Variants in STAU1 observed in about 807,000 individuals in gnomAD.
STAU1 encodes double-stranded RNA-binding protein Staufen homolog 1.
STAU1 carries 13 observed loss-of-function variants against 62.9 expected under a neutral mutation model. That is an observed-to-expected ratio of 0.21 (90% CI 0.13 to 0.33). STAU1 has a LOEUF of 0.33. STAU1 is among the 10% of genes least tolerant of loss of function. The pLI is 1.00. For synonymous variants in STAU1, 269 were observed against 265.1 expected (o/e 1.01, Z -0.14); for missense variants, 571 against 712.1 (o/e 0.80, Z 2.25).
At chr20:49,188,951 G>A (rs769915552), upstream of STAU1, among the ~76,000 whole-genome samples, 2 of 151,976 alleles carry the variant, frequency 1.3e-5, no homozygotes, top group African/African-American at 2.4e-5. Context: ...CTCTAATCCC[G>A]GCACTTTGGG....
At chr20:49,116,058 C>A (rs1415908118) in intron 12 of STAU1, among the ~76,000 whole-genome samples, 191 bp from the exon 13 acceptor site, 3 of 152,204 alleles carry the variant, frequency 2.0e-5, no homozygotes, top group Non-Finnish European at 4.4e-5. Context: ...AGTTACCTCA[C>A]TGAATCATAA....
intron 9 of STAU1, 121 bp downstream of exon 9, chr20:49,119,861 C>T: frequency 4.9e-6 from 6 of 1,222,018 alleles, no homozygotes; most frequent in Non-Finnish European, 6.7e-6. Context: ...CACTCCTCAG[C>T]AGGACTCCTT....
chr20:49,153,791 G>T, intron 4 of STAU1, 142 bp downstream of exon 4: 1 of 640,296 alleles, frequency 1.6e-6, no homozygotes, highest in Non-Finnish European at 2.3e-6. Flanking sequence ...AAAGGCACAA[G>T]AGTAATTAAG....
At chr20:49,126,587 AC>A (rs376700679) in intron 6 of STAU1, among the ~76,000 whole-genome samples, 2 of 62,404 alleles carry the variant, frequency 3.2e-5, no homozygotes, top group African/African-American at 7.5e-5. Context: ...AAAAAAAAAA[AC>A]AAAAAAAAAA....
chr20:49,119,340 G>A (rs1342863638), intron 9 of STAU1, among the ~76,000 whole-genome samples: 2 of 152,000 alleles, frequency 1.3e-5, no homozygotes, highest in East Asian at 1.9e-4. Context: ...ACCATACCTG[G>A]CTGATATTTT....
intron 3 of STAU1, among the ~76,000 whole-genome samples, chr20:49,155,664 T>C (rs1014480439): frequency 2.0e-5 from 3 of 152,202 alleles, no homozygotes; most frequent in Non-Finnish European, 2.9e-5. Flanking sequence ...TAAGAATATC[T>C]TTGGGGTTTG....
intron 10 of STAU1, 28 bp from the exon 11 acceptor site, chr20:49,118,124 A>C: frequency 1.2e-6 from 2 of 1,601,664 alleles, no homozygotes; most frequent in South Asian, 2.2e-5. Flanking sequence ...GGTAAACACG[A>C]ATCCACATCC....
At chr20:49,183,777 T>C (rs1048994065) in intron 1 of STAU1, among the ~76,000 whole-genome samples, 5 of 152,174 alleles carry the variant, frequency 3.3e-5, no homozygotes, top group African/African-American at 9.7e-5. Context: ...GGTAGGTTCT[T>C]GGAAACTGAG....
At chr20:49,168,087 T>G (rs866384552) in intron 2 of STAU1, among the ~76,000 whole-genome samples, 1 of 53,828 alleles carries the variant, frequency 1.9e-5, no homozygotes, top group Non-Finnish European at 4.3e-5. Flanking sequence ...AATTTTTAAT[T>G]TTTTTTTTTT....
At chr20:49,151,802 T>C in intron 4 of STAU1, 55 bp from the exon 5 acceptor site, 4 of 1,504,460 alleles carry the variant, frequency 2.7e-6, no homozygotes, top group Non-Finnish European at 3.6e-6. Context: ...AAGTCACCTA[T>C]ACACTCTCTG....
intron 1 of STAU1, among the ~76,000 whole-genome samples, chr20:49,180,493 T>G (rs550571999): frequency 6.6e-6 from 1 of 152,224 alleles, no homozygotes; most frequent in South Asian, 2.1e-4. Flanking sequence ...CCAGCTAATT[T>G]TTGTATTTTT....
the STAU1 span, chr20:49,210,371 A>C: frequency 4.4e-6 from 2 of 452,960 alleles, no homozygotes; most frequent in Non-Finnish European, 8.9e-6. Context: ...ATTGTCCTTC[A>C]GGAATGGAGT....
intron 6 of STAU1, among the ~76,000 whole-genome samples, chr20:49,133,061 T>TG (rs1367969442): frequency 6.6e-6 from 1 of 152,184 alleles, no homozygotes; most frequent in Non-Finnish European, 1.5e-5. Context: ...ACCAACTACA[T>TG]GCAAGCTGTG....
In STAU1 at chr20:49,114,644, T is replaced by C. The variant is rs1169067674; in HGVS notation, c.*234A>G. On this transcript the variant is annotated 3_prime_UTR_variant, in exon 14 of 14. Transcript: ENST00000371856. ...CCTTCTTCCCCACAGGCAGCTGCTA[T>C]TGCGTAGGGACCGCCAGGTCACCGA... The C allele has an allele frequency of 2.5e-5, 12 of 486,956 alleles. No individual in the cohort carries two copies. Among genetic ancestry groups the C allele is most frequent in the Non-Finnish European group, 4.1e-5 (11 of 268,186 alleles). The allele number at this position is 486,956 out of a possible 1,614,324, so 30.2% of individuals were successfully genotyped here.
chr20:49,187,454 T>C (rs1277622613), intron 1 of STAU1, among the ~76,000 whole-genome samples: 1 of 152,116 alleles, frequency 6.6e-6, no homozygotes, highest in Non-Finnish European at 1.5e-5. Context: ...GTAGGTCAAC[T>C]TCTATCCACT....
At position 49,124,363 on chromosome 20, in the gene STAU1, A is replaced by T; in HGVS notation, c.822+12T>A. 1 of 1,612,892 alleles carries T rather than the reference A, an allele frequency of 6.2e-7. No homozygotes were observed. The highest frequency in any genetic ancestry group is 1.3e-5 in the African/African-American group (1 of 74,864). ...TAATGAAAACACCTTCTGTGTTCAGAAAAGTTCTCACCTTGACTATGGGTT... is the reference window on the plus strand; with the variant it reads ...TAATGAAAACACCTTCTGTGTTCAGTAAAGTTCTCACCTTGACTATGGGTT... On this transcript the variant is annotated intron_variant, in intron 7 of 13. Coordinates refer to ENST00000371856, the MANE Select transcript of STAU1 (RefSeq NM_017453.4).
chr20:49,170,100 T>G (rs2093578071), intron 2 of STAU1, among the ~76,000 whole-genome samples: 1 of 152,178 alleles, frequency 6.6e-6, no homozygotes, highest in Non-Finnish European at 1.5e-5. Flanking sequence ...TTATACATGA[T>G]GTACTAAAAA....
intron 1 of STAU1, among the ~76,000 whole-genome samples, chr20:49,182,990 A>G (rs2093745415): frequency 6.6e-6 from 1 of 152,224 alleles, no homozygotes; most frequent in Non-Finnish European, 1.5e-5. Flanking sequence ...GTGGGGGTAA[A>G]TAACCATAGC....
chr20:49,166,814 TTC>T (rs1263702451), intron 2 of STAU1, among the ~76,000 whole-genome samples: 1 of 152,198 alleles, frequency 6.6e-6, no homozygotes, highest in African/African-American at 2.4e-5. Flanking sequence ...CTTCTGCTGT[TTC>T]TTTTTCTTTA....
Sources: allele counts gnomAD v4.1 joint callset (sites outside exome capture counted in the v4.1 genomes callset), GRCh38; gene constraint gnomAD v4.1.1; transcripts MANE v1.5; gene names NCBI Gene and HGNC (gene_info 2026-07-23, HGNC 2026-07-21).